FBLN2: variants seen among roughly 807,000 people sequenced by gnomAD.
The protein encoded by FBLN2 is fibulin 2.
In FBLN2, 81 loss-of-function variants were observed where a neutral mutation model predicts 123.7. The ratio of observed to expected loss-of-function variants is 0.65; its 90% CI spans 0.55 to 0.79. The LOEUF (loss-of-function observed/expected upper bound fraction) is 0.79. Among genes scored for constraint, FBLN2 ranks in the 30% least tolerant of loss-of-function variants. The pLI, the probability that FBLN2 is intolerant of heterozygous loss-of-function variation, is 0.00. For missense variants in FBLN2, 1,603 were observed against 1,681.3 expected (o/e 0.95, Z 0.81); for synonymous variants, 699 against 701.4 (o/e 1.00, Z 0.05).
rs1352980420 is a variant in FBLN2 at position 13,607,681 on chromosome 3, G to C, written c.1307-381G>C. On this transcript the variant is annotated intron_variant, in intron 2 of 17. Coordinates refer to ENST00000404922, the MANE Select transcript of FBLN2 (RefSeq NM_001004019.2). ...GTCTTGTGCATGTGTTGGTTCATTT[G>C]GGGAGACCTCTCAGGAGAAACTCTG... is the stretch of plus-strand genomic sequence containing the variant. Among the ~76,000 whole-genome samples the C allele has an allele frequency of 5.9e-5, 9 of 152,172 alleles. No homozygotes were observed. In the East Asian group the frequency reaches 1.7e-3, roughly 29 times the overall value.
At chr3:13,598,397 A>T (rs563154874) in intron 2 of FBLN2, among the ~76,000 whole-genome samples, 1 of 152,192 alleles carries the variant, frequency 6.6e-6, no homozygotes, top group African/African-American at 2.4e-5. Context: ...TGGTAGCCCA[A>T]CCACACACCT....
chr3:13,560,718 C>T (rs78287589), intron 1 of FBLN2, among the ~76,000 whole-genome samples: 128 of 152,344 alleles, frequency 8.4e-4, no homozygotes, highest in African/African-American at 2.9e-3. Flanking sequence ...CATTTCCCTT[C>T]CTTCCGTTTC....
intron 2 of FBLN2, among the ~76,000 whole-genome samples, chr3:13,593,805 G>T (rs1258254465): frequency 6.6e-6 from 1 of 151,548 alleles, no homozygotes. Flanking sequence ...GAAGTCCCCA[G>T]CACGGGCGGC....
At chr3:13,636,129 G>A (rs1406646783) in intron 16 of FBLN2, among the ~76,000 whole-genome samples, 2 of 152,220 alleles carry the variant, frequency 1.3e-5, no homozygotes, top group Non-Finnish European at 2.9e-5. Flanking sequence ...TGTGGCCTCT[G>A]TGGAAGAGAA....
At chr3:13,634,967 A>T (rs1200286191) in intron 16 of FBLN2, among the ~76,000 whole-genome samples, 1 of 152,134 alleles carries the variant, frequency 6.6e-6, no homozygotes, top group Admixed American at 6.5e-5. Flanking sequence ...TATTACTATT[A>T]TGTTGTTGTT....
chr3:13,583,194 T>C lies in FBLN2; in HGVS notation c.1306+11533T>C, dbSNP rs1259808522. ...TCTACTGAGTCTGCATGCGGGGCCC[T>C]CTTTGCCACCCTCACAGGTCACCCT... On this transcript the variant is annotated intron_variant, in intron 2 of 17. Coordinates refer to ENST00000404922, the MANE Select transcript of FBLN2 (RefSeq NM_001004019.2). Among the ~76,000 whole-genome samples, 3 of 152,390 alleles carry C rather than the reference T, an allele frequency of 2.0e-5. No homozygotes were observed. The East Asian group carries it at 5.8e-4, about 29-fold the overall frequency.
chr3:13,612,366 CTG>C (rs1705432770), intron 4 of FBLN2, among the ~76,000 whole-genome samples: 1 of 83,910 alleles, frequency 1.2e-5, no homozygotes, highest in African/African-American at 8.4e-5. Context: ...TTCTGTCTGT[CTG>C]TCTCTCTGTC....
rs1430110083 is a variant in FBLN2 at position 13,571,007 on chromosome 3, G to A, written c.652G>A (p.Ala218Thr). Residue 218 changes from alanine (A) to threonine (T), a missense_variant, in exon 2 of 18, where the codon GCG becomes ACG. Coordinates refer to ENST00000404922, the MANE Select transcript of FBLN2 (RefSeq NM_001004019.2). ...AATALGGEVQAGAVQAGAGGP... is the reference protein window; with the variant it reads ...AATALGGEVQTGAVQAGAGGP... ...AACAGCCCTGGGGGGTGAGGTCCAG[G>A]CGGGTGCAGTCCAGGCAGGCGCAGG... 1 of 1,599,302 alleles carries A rather than the reference G, an allele frequency of 6.3e-7. No individual in the cohort carries two copies. The highest frequency in any genetic ancestry group is 1.7e-5 in the Admixed American group (1 of 57,574).
chr3:13,605,361 C>T (rs2124875623), intron 2 of FBLN2, among the ~76,000 whole-genome samples: 1 of 152,328 alleles, frequency 6.6e-6, no homozygotes, highest in African/African-American at 2.4e-5. Context: ...AGTTTCATCT[C>T]ATCAGTGTGT....
intron 8 of FBLN2, among the ~76,000 whole-genome samples, chr3:13,620,211 G>C (rs1483541900): frequency 6.6e-6 from 1 of 152,138 alleles, no homozygotes; most frequent in Non-Finnish European, 1.5e-5. Flanking sequence ...ATAGGTCTGG[G>C]TGGGTGGGCC....
chr3:13,612,538 G>A (rs1345548561), intron 4 of FBLN2, among the ~76,000 whole-genome samples: 5 of 151,900 alleles, frequency 3.3e-5, no homozygotes, highest in African/African-American at 9.7e-5. Context: ...CCGCCACCAC[G>A]CCCGGCTGAT....
chr3:13,601,539 G>A (rs926501767), intron 2 of FBLN2, among the ~76,000 whole-genome samples: 3 of 152,226 alleles, frequency 2.0e-5, no homozygotes, highest in Non-Finnish European at 4.4e-5. Flanking sequence ...GGACAGACAT[G>A]TCTGAGCCAT....
In FBLN2 at chr3:13,570,888, A is replaced by G; in HGVS notation, c.533A>G (p.His178Arg). The change falls in exon 2 of 18, where the codon CAC becomes CGC. Residue 178 changes from histidine to arginine, a missense_variant. Physicochemically the swap from His to Arg is conservative, Grantham distance 29. Transcript: ENST00000404922. ...ATCTGCTACCAGCTCCCCGGTTGCCACGGGAACTTCTCAGATGCCGAGGAG... is the reference window on the plus strand; with the variant it reads ...ATCTGCTACCAGCTCCCCGGTTGCCGCGGGAACTTCTCAGATGCCGAGGAG... ...ELICYQLPGC[H>R]GNFSDAEEGD... 1 of 1,612,354 alleles carries G rather than the reference A, an allele frequency of 6.2e-7. No homozygotes were observed. The highest frequency in any genetic ancestry group is 8.5e-7 in the Non-Finnish European group (1 of 1,179,512).
At chr3:13,567,053 G>A (rs554714346) in intron 1 of FBLN2, among the ~76,000 whole-genome samples, 1 of 152,244 alleles carries the variant, frequency 6.6e-6, no homozygotes, top group Non-Finnish European at 1.5e-5. Flanking sequence ...GGCCTGGAGT[G>A]GGGAGATGGG....
intron 8 of FBLN2, 22 bp from the exon 9 acceptor site, chr3:13,621,753 T>A: frequency 6.2e-7 from 1 of 1,613,580 alleles, no homozygotes; most frequent in Non-Finnish European, 8.5e-7. Flanking sequence ...CCTTCTGTTT[T>A]TCCTCCTGCG....
intron 3 of FBLN2, among the ~76,000 whole-genome samples, chr3:13,608,787 A>C (rs1488447930): frequency 6.6e-6 from 1 of 152,182 alleles, no homozygotes; most frequent in East Asian, 1.9e-4. Context: ...TTAAGTTCAG[A>C]GAGGCAGTGT....
intron 2 of FBLN2, among the ~76,000 whole-genome samples, chr3:13,594,668 G>A (rs1255040923): frequency 2.0e-5 from 3 of 152,158 alleles, no homozygotes; most frequent in African/African-American, 4.8e-5. Context: ...CCTAGCCCCC[G>A]ACCTGGGCCC....
chr3:13,587,178 A>C (rs916193429), intron 2 of FBLN2, among the ~76,000 whole-genome samples: 46 of 151,298 alleles, frequency 3.0e-4, no homozygotes, highest in African/African-American at 9.9e-4. Flanking sequence ...AATAATTAAA[A>C]AAATAATAAA....
chr3:13,588,078 C>G lies in FBLN2; in HGVS notation c.1306+16417C>G, dbSNP rs555616498. On this transcript the variant is annotated intron_variant, in intron 2 of 17. Coordinates refer to ENST00000404922, the MANE Select transcript of FBLN2 (RefSeq NM_001004019.2). The stretch of plus-strand genomic sequence containing the variant: ...ACTTTCTGAATTAACTGAGACCTGT[C>G]TCAGATTTTCTGGGCCTGCAGGCCC... 3.3e-5 allele frequency among the ~76,000 whole-genome samples: 5 copies of G among 152,334 alleles called. No individual in the cohort carries two copies. The South Asian group carries it at 1.0e-3, about 32-fold the overall frequency.
Sources: allele counts gnomAD v4.1 joint callset (sites outside exome capture counted in the v4.1 genomes callset), GRCh38; gene constraint gnomAD v4.1.1; transcripts MANE v1.5; gene names NCBI Gene and HGNC (gene_info 2026-07-23, HGNC 2026-07-21).